The following BMERB1 variants were observed in gnomAD, a reference collection of about 807,000 sequenced individuals.
BMERB1 encodes the protein bMERB domain-containing protein 1.
A neutral mutation model predicts 23.6 loss-of-function variants in BMERB1; 12 were observed. The ratio of observed to expected loss-of-function variants is 0.51; its 90% confidence interval spans 0.33 to 0.82. The LOEUF (loss-of-function observed/expected upper bound fraction) is 0.82, where lower values mean the gene tolerates loss of function less well. Ranked by LOEUF, BMERB1 falls within the 40% of genes least tolerant of loss-of-function variation. The probability of loss-of-function intolerance (pLI) is 0.03; values close to 1 mark genes in which losing one functional copy is unlikely to be tolerated. For missense variants in BMERB1, 247 were observed against 255.4 expected, an observed-to-expected ratio of 0.97 and a Z score of 0.22; for synonymous variants, 122 against 96.6, an observed-to-expected ratio of 1.26 and a Z score of -1.54.
intron 2 of BMERB1, among the ~76,000 whole-genome samples, chr16:15,518,974 C>G (rs1191358487): frequency 2.0e-5 from 3 of 151,900 alleles, no homozygotes; most frequent in Non-Finnish European, 2.9e-5. Flanking sequence ...CAACGTCTTC[C>G]CAGCATTTGG....
intron 4 of BMERB1, 31 bp downstream of exon 4, chr16:15,581,362 G>A (rs184963421): frequency 1.7e-4 from 266 of 1,571,616 alleles, no homozygotes; most frequent in Non-Finnish European, 2.2e-4. Flanking sequence ...CGATCACTGG[G>A]CTGCAGGACA....
At chr16:15,528,334 G>C (rs549582500) in intron 2 of BMERB1, among the ~76,000 whole-genome samples, 1 of 152,024 alleles carries the variant, frequency 6.6e-6, no homozygotes, top group Non-Finnish European at 1.5e-5. Flanking sequence ...TTGCTCTCTC[G>C]AGCACTTTTG....
intron 1 of BMERB1, among the ~76,000 whole-genome samples, chr16:15,490,297 A>AT (rs2150938889): frequency 6.6e-6 from 1 of 152,246 alleles, no homozygotes; most frequent in Admixed American, 6.5e-5. Flanking sequence ...TGGCATATGT[A>AT]TTTTTTGGAG....
At chr16:15,570,013 GGCA>G (rs771260161) in intron 3 of BMERB1, among the ~76,000 whole-genome samples, 1 of 152,096 alleles carries the variant, frequency 6.6e-6, no homozygotes, top group South Asian at 2.1e-4. Flanking sequence ...AATGATTAAG[GGCA>G]GCTTGGAGGT....
chr16:15,471,228 TAGAG>T (rs2051226407), intron 1 of BMERB1, among the ~76,000 whole-genome samples: 1 of 152,208 alleles, frequency 6.6e-6, no homozygotes, highest in African/African-American at 2.4e-5. Context: ...GAAGAATTGA[TAGAG>T]ATTCATTTTT....
At chr16:15,545,959 TGGCCAAAGAAGGTCTTCTTTGACAGA>T (rs1006272749) in intron 2 of BMERB1, among the ~76,000 whole-genome samples, 4 of 151,898 alleles carry the variant, frequency 2.6e-5, no homozygotes, top group South Asian at 2.1e-4. Context: ...CCAGGAATGG[TGGCCAAAGAAGGTCTTCTTTGACAGA>T]GGTCAAAGAA....
At chr16:15,533,312 G>A (rs1472299142) in intron 2 of BMERB1, among the ~76,000 whole-genome samples, 1 of 152,012 alleles carries the variant, frequency 6.6e-6, no homozygotes, top group Non-Finnish European at 1.5e-5. Context: ...TTGTTGAAAC[G>A]ACGAGAGAAG....
At chr16:15,559,129 T>C (rs2150969025) in intron 2 of BMERB1, among the ~76,000 whole-genome samples, 1 of 152,340 alleles carries the variant, frequency 6.6e-6, no homozygotes, top group South Asian at 2.1e-4. Flanking sequence ...ATATGTCATA[T>C]GTCACCTATA....
chr16:15,443,644 A>G (rs933366934), intron 1 of BMERB1, among the ~76,000 whole-genome samples: 12 of 151,622 alleles, frequency 7.9e-5, no homozygotes, highest in Non-Finnish European at 1.3e-4. Flanking sequence ...TGGGCCAGGC[A>G]TGGTGGCTCG....
At chr16:15,445,076 A>G (rs535613037) in intron 1 of BMERB1, among the ~76,000 whole-genome samples, 1 of 152,198 alleles carries the variant, frequency 6.6e-6, no homozygotes, top group Non-Finnish European at 1.5e-5. Flanking sequence ...ATTTTTTTGT[A>G]GAGGTGGGGT....
intron 2 of BMERB1, among the ~76,000 whole-genome samples, chr16:15,546,445 G>A (rs2029920924): frequency 6.6e-6 from 1 of 152,126 alleles, no homozygotes; most frequent in Non-Finnish European, 1.5e-5. Flanking sequence ...AATTGTTCCT[G>A]GATCAAACTG....
chr16:15,494,794 C>T (rs1333044248), intron 1 of BMERB1, among the ~76,000 whole-genome samples: 1 of 151,618 alleles, frequency 6.6e-6, no homozygotes, highest in Non-Finnish European at 1.5e-5. Context: ...CTCCTTATTC[C>T]AGAAAGGACT....
intron 1 of BMERB1, among the ~76,000 whole-genome samples, chr16:15,503,753 G>A (rs1191135011): frequency 1.3e-5 from 2 of 152,144 alleles, no homozygotes; most frequent in Non-Finnish European, 1.5e-5. Context: ...CTGAGACTTA[G>A]GGAGATCAAG....
intron 2 of BMERB1, among the ~76,000 whole-genome samples, chr16:15,554,250 A>ACTGCC (rs1484343082): frequency 6.6e-6 from 1 of 152,130 alleles, no homozygotes; most frequent in Non-Finnish European, 1.5e-5. Flanking sequence ...CTCAGATCAG[A>ACTGCC]CTGCCCGAGT....
intron 1 of BMERB1, among the ~76,000 whole-genome samples, chr16:15,491,113 G>A (rs987227883): frequency 5.9e-5 from 9 of 152,340 alleles, no homozygotes; most frequent in Admixed American, 5.2e-4. Flanking sequence ...GCCTCCCAAA[G>A]TGTTGGGATT....
At chr16:15,529,559 C>T (rs2051947421) in intron 2 of BMERB1, among the ~76,000 whole-genome samples, 1 of 152,132 alleles carries the variant, frequency 6.6e-6, no homozygotes, top group African/African-American at 2.4e-5. Flanking sequence ...ATATCTGACT[C>T]TCCTCCTAGA....
chr16:15,492,105 G>A (rs2051426598), intron 1 of BMERB1, among the ~76,000 whole-genome samples: 1 of 152,214 alleles, frequency 6.6e-6, no homozygotes, highest in African/African-American at 2.4e-5. Flanking sequence ...AGCAGACCCT[G>A]TGTCTTTGAA....
At position 15,587,646 on chromosome 16, in the gene BMERB1, C is replaced by T. The variant is rs1487292753; in HGVS notation, c.*817C>T. ...TGCTGACCTGGGCACTCCACCATTC[C>T]GGGGCCACCACAGAGATGCCAGCAG... On this transcript the variant is annotated 3_prime_UTR_variant, in exon 6 of 6. Transcript: ENST00000300006. The T allele has an allele frequency of 2.6e-5, 9 of 347,312 alleles. No individual in the cohort carries two copies. The highest frequency in any genetic ancestry group is 9.9e-5 in the East Asian group (1 of 10,088). 21.5% of individuals were successfully genotyped at this position (347,312 alleles called of 1,614,324 possible). A position where few individuals can be genotyped will look rare whatever the true frequency, so the allele number is the denominator to read the frequency against.
Position 15,438,115 on chromosome 16 carries a change from C to A in BMERB1, c.106+3356C>A, listed in dbSNP as rs1598438617. On this transcript the variant is annotated intron_variant, in intron 1 of 5. Transcript: ENST00000300006. The stretch of plus-strand genomic sequence containing the variant: ...TTTCTTTTCTTTTTTGAGATGGAGT[C>A]TCACTCTGTCCCCCAGGCTGGAGTG... Among the ~76,000 whole-genome samples the A allele has an allele frequency of 4.6e-5, 7 of 151,984 alleles. 1 individual carries two copies. The highest frequency in any genetic ancestry group is 4.6e-4 in the Admixed American group (7 of 15,240).
Sources: allele counts gnomAD v4.1 joint callset (sites outside exome capture counted in the v4.1 genomes callset), GRCh38; gene constraint gnomAD v4.1.1; transcripts MANE v1.5; gene names NCBI Gene and HGNC (gene_info 2026-07-23, HGNC 2026-07-21).